The following GSG1L variants were observed in gnomAD, a reference collection of about 807,000 sequenced individuals.
GSG1L encodes GSG1 like, also known as germ cell-specific gene 1-like protein.
Under a neutral mutation model 42.1 loss-of-function variants are expected in GSG1L, and 24 were observed. The observed-to-expected ratio is 0.57, with a 90% confidence interval of 0.41 to 0.80. The LOEUF is 0.80. GSG1L is among the 30% of genes least tolerant of loss of function. The probability of loss-of-function intolerance (pLI) is 0.00; values close to 1 mark genes in which losing one functional copy is unlikely to be tolerated. For synonymous variants in GSG1L, 215 were observed against 203.5 expected (o/e 1.06, Z -0.48); for missense variants, 445 against 472.2 (o/e 0.94, Z 0.53).
chr16:28,042,490 C>T (rs2086118347), intron 1 of GSG1L, among the ~76,000 whole-genome samples: 1 of 151,332 alleles, frequency 6.6e-6, no homozygotes, highest in Non-Finnish European at 1.5e-5. Context: ...ACAGAGAAAT[C>T]CATTTAGTAA....
intron 2 of GSG1L, among the ~76,000 whole-genome samples, chr16:27,947,251 C>T (rs1311727300): frequency 6.6e-6 from 1 of 151,962 alleles, no homozygotes; most frequent in African/African-American, 2.4e-5. Flanking sequence ...CTCAGCCTCC[C>T]GAGTAGCTAG....
chr16:27,827,240 C>T (rs1231795302), intron 5 of GSG1L, among the ~76,000 whole-genome samples: 1 of 152,144 alleles, frequency 6.6e-6, no homozygotes, highest in Admixed American at 6.5e-5. Flanking sequence ...GTTCTATATC[C>T]CCTCTCTCAA....
rs544817380 is a variant in GSG1L, at chr16:27,894,280, T to C, written c.398-9642A>G. On this transcript the variant is annotated intron_variant, in intron 2 of 6. Coordinates refer to ENST00000447459, the MANE Select transcript of GSG1L (RefSeq NM_001109763.2). Reference sequence around the variant, plus strand: ...TAAGTGCTTAGGACAACACCTGTCCTGTCTAAGGTGCCCATTAGCTGTTAC... The same window carrying C: ...TAAGTGCTTAGGACAACACCTGTCCCGTCTAAGGTGCCCATTAGCTGTTAC... Among the ~76,000 whole-genome samples, 5 of 152,342 alleles carry C rather than the reference T, an allele frequency of 3.3e-5. No individual in the cohort carries two copies. The South Asian group carries it at 1.0e-3, about 32-fold the overall frequency.
intron 3 of GSG1L, among the ~76,000 whole-genome samples, chr16:27,866,966 A>G (rs2083734846): frequency 1.3e-5 from 2 of 152,196 alleles, no homozygotes; most frequent in Admixed American, 6.5e-5. Flanking sequence ...ATTCCCCACC[A>G]GTGGCCCACC....
chr16:27,939,356 G>A (rs1039322177), intron 2 of GSG1L, among the ~76,000 whole-genome samples: 1 of 152,088 alleles, frequency 6.6e-6, no homozygotes, highest in Non-Finnish European at 1.5e-5. Flanking sequence ...TCAAACTCCT[G>A]GACTCAAGTG....
intron 4 of GSG1L, among the ~76,000 whole-genome samples, chr16:27,830,479 AG>A (rs2083262814): frequency 6.6e-6 from 1 of 151,630 alleles, no homozygotes; most frequent in Non-Finnish European, 1.5e-5. Context: ...CCTTTCTCAA[AG>A]GGATCCTCAA....
chr16:27,962,654 C>A (rs1044585131), intron 2 of GSG1L, among the ~76,000 whole-genome samples: 2 of 152,212 alleles, frequency 1.3e-5, no homozygotes, highest in Non-Finnish European at 2.9e-5. Flanking sequence ...GCCTTGCACA[C>A]CTCTGGACAT....
chr16:28,027,660 C>G (rs2085914605), intron 1 of GSG1L, among the ~76,000 whole-genome samples: 1 of 152,150 alleles, frequency 6.6e-6, no homozygotes, highest in Admixed American at 6.5e-5. Context: ...ACCACCTAGA[C>G]TTTGTAGTTC....
chr16:27,909,053 T>C (rs1304819115), intron 2 of GSG1L, among the ~76,000 whole-genome samples: 1 of 152,118 alleles, frequency 6.6e-6, no homozygotes, highest in African/African-American at 2.4e-5. Flanking sequence ...TCATTTAACA[T>C]TTCTAAACCT....
At chr16:27,878,096 G>A (rs2083909379) in intron 3 of GSG1L, among the ~76,000 whole-genome samples, 1 of 152,158 alleles carries the variant, frequency 6.6e-6, no homozygotes, top group East Asian at 1.9e-4. Flanking sequence ...GTCATGTTCT[G>A]TTGTCCAGGC....
At chr16:27,829,615 T>C (rs1427160260) in intron 4 of GSG1L, among the ~76,000 whole-genome samples, 4 of 152,192 alleles carry the variant, frequency 2.6e-5, no homozygotes, top group Non-Finnish European at 5.9e-5. Context: ...GGTGCGATCA[T>C]AGCTTACTGC....
chr16:27,792,783 G>C (rs6498036), intron 6 of GSG1L, among the ~76,000 whole-genome samples: 3,436 of 152,258 alleles, frequency 0.023, 133 homozygotes, highest in African/African-American at 0.078. Flanking sequence ...CAAAACTAAG[G>C]GAGAGGGTTG....
intron 1 of GSG1L, among the ~76,000 whole-genome samples, chr16:28,025,490 A>G (rs1232780482): frequency 6.6e-6 from 1 of 152,128 alleles, no homozygotes; most frequent in South Asian, 2.1e-4. Context: ...TCACTGCTGG[A>G]TCAATTTCAC....
intron 2 of GSG1L, among the ~76,000 whole-genome samples, chr16:27,960,295 G>A (rs916244650): frequency 1.2e-4 from 19 of 152,140 alleles, no homozygotes; most frequent in Admixed American, 5.9e-4. Context: ...TTTTCCAGCC[G>A]TGTGGTTGCT....
intron 3 of GSG1L, among the ~76,000 whole-genome samples, chr16:27,855,356 C>T (rs35865379): frequency 0.063 from 9,642 of 152,196 alleles, 375 homozygotes; most frequent in Admixed American, 0.12. Flanking sequence ...TTTGGCCCAA[C>T]CTTCATTCAT....
chr16:27,831,530 A>G (rs2083274074), intron 4 of GSG1L, among the ~76,000 whole-genome samples: 1 of 152,224 alleles, frequency 6.6e-6, no homozygotes, highest in Admixed American at 6.5e-5. Context: ...CAGTCAGGGG[A>G]CAGAGCAGGG....
At chr16:27,936,374 T>C (rs1024393218) in intron 2 of GSG1L, among the ~76,000 whole-genome samples, 1 of 152,172 alleles carries the variant, frequency 6.6e-6, no homozygotes, top group Non-Finnish European at 1.5e-5. Context: ...ATGCCCTCCC[T>C]TGTGTGGGAC....
Position 27,791,229 on chromosome 16 carries a change from G to A in GSG1L, c.*141C>T, listed in dbSNP as rs1442836018. ...ATGGGACCCAGGCAGCGATGGGCAG[G>A]ACAGGCCTGGCATCTCCCACGCAGG... On this transcript the variant is annotated 3_prime_UTR_variant, in exon 7 of 7. Coordinates refer to ENST00000447459, the MANE Select transcript of GSG1L (RefSeq NM_001109763.2). 4.2e-6 allele frequency: 2 copies of A among 473,172 alleles called. No homozygotes were observed. Among genetic ancestry groups the A allele is most frequent in the East Asian group, 3.5e-5 (1 of 28,802 alleles). The allele number at this position is 473,172 out of a possible 1,614,324, so 29.3% of individuals were successfully genotyped here. A position where few individuals can be genotyped will look rare whatever the true frequency, so the allele number is the denominator to read the frequency against.
chr16:27,985,715 C>T (rs551783618), intron 1 of GSG1L, among the ~76,000 whole-genome samples: 21 of 152,168 alleles, frequency 1.4e-4, no homozygotes, highest in African/African-American at 5.1e-4. Flanking sequence ...CAGGCAGAAT[C>T]CCAGCTACCT....
Sources: gnomAD v4.1 joint callset for allele counts (sites outside exome capture counted in the v4.1 genomes callset) on GRCh38, gnomAD v4.1.1 for gene constraint, MANE v1.5 for transcripts, NCBI Gene and HGNC (gene_info 2026-07-23, HGNC 2026-07-21) for gene names.